DLGAP4: variants seen among roughly 807,000 people sequenced by gnomAD.
The protein encoded by DLGAP4 is DLG associated protein 4, also known as disks large-associated protein 4.
A neutral mutation model predicts 86.9 loss-of-function variants in DLGAP4; 18 were observed. The observed-to-expected ratio is 0.21, with a 90% confidence interval of 0.14 to 0.31. DLGAP4 has a LOEUF of 0.31. Among genes scored for constraint, DLGAP4 ranks in the 10% least tolerant of loss-of-function variants. The pLI, the probability that DLGAP4 is intolerant of heterozygous loss-of-function variation, is 1.00. For synonymous variants in DLGAP4, 548 were observed against 574.3 expected (o/e 0.95, Z 0.65); for missense variants, 1,085 against 1,362.6 (o/e 0.80, Z 3.21).
intron 7 of DLGAP4, chr20:36,492,486 C>A (rs2050253120): frequency 6.6e-6 from 1 of 152,320 alleles, no homozygotes; most frequent in South Asian, 2.1e-4. Context: ...TCTGAGGGTG[C>A]TTAGTAGAAC....
At chr20:36,362,031 C>A (rs562549649) in intron 1 of DLGAP4, among the ~76,000 whole-genome samples, 3 of 150,000 alleles carry the variant, frequency 2.0e-5, no homozygotes, top group Non-Finnish European at 4.4e-5. Context: ...GTGGCTCACA[C>A]CTGTAATCCC....
rs148421710 is a variant in DLGAP4, at chr20:36,472,835, G to C, written c.1649-23870G>C. Among the ~76,000 whole-genome samples the C allele has an allele frequency of 4.0e-3, 604 of 152,316 alleles. 4 individuals are homozygous for C. The highest frequency in any genetic ancestry group is 0.014 in the African/African-American group (584 of 41,570). On this transcript the variant is annotated intron_variant, in intron 7 of 12. Transcript: ENST00000339266. ...GACCCAGGCCCAGGTGGCCTCATGA[G>C]GAGGGGAGCAGGCCTTTTCCCTACC...
chr20:36,313,495 G>A (rs1378733481), intron 1 of DLGAP4, among the ~76,000 whole-genome samples: 12 of 152,092 alleles, frequency 7.9e-5, no homozygotes, highest in African/African-American at 2.7e-4. Context: ...TGTGAGGGCT[G>A]GGCTGTGAGA....
intron 10 of DLGAP4, chr20:36,512,460 CAG>C (rs1457243106): frequency 6.6e-6 from 1 of 152,192 alleles, no homozygotes; most frequent in Non-Finnish European, 1.5e-5. Context: ...GTCATTCACT[CAG>C]TGAATATTTA....
At chr20:36,311,174 A>G (rs2065049705) in intron 1 of DLGAP4, among the ~76,000 whole-genome samples, 1 of 151,290 alleles carries the variant, frequency 6.6e-6, no homozygotes, top group Non-Finnish European at 1.5e-5. Context: ...TCTGCATTTG[A>G]CAGATGAGGA....
At chr20:36,330,512 A>G (rs1248712465) in intron 1 of DLGAP4, among the ~76,000 whole-genome samples, 2 of 150,826 alleles carry the variant, frequency 1.3e-5, no homozygotes, top group East Asian at 3.9e-4. Flanking sequence ...ATGTGCCTCT[A>G]TGGGACCTAC....
At chr20:36,370,602 AG>A (rs1279647563) in intron 2 of DLGAP4, among the ~76,000 whole-genome samples, 1 of 152,150 alleles carries the variant, frequency 6.6e-6, no homozygotes, top group Non-Finnish European at 1.5e-5. Context: ...GAATGGCTTG[AG>A]GCCAAGAGTT....
chr20:36,492,608 C>G (rs1168003450), intron 7 of DLGAP4: 2 of 152,342 alleles, frequency 1.3e-5, no homozygotes, highest in Admixed American at 1.3e-4. Flanking sequence ...CTCTTCCCAC[C>G]AGAACCTCGT....
chr20:36,474,377 G>C (rs2034815147), intron 7 of DLGAP4, among the ~76,000 whole-genome samples: 1 of 152,210 alleles, frequency 6.6e-6, no homozygotes, highest in African/African-American at 2.4e-5. Flanking sequence ...CCCAAGATCA[G>C]GCTGGAGAAT....
chr20:36,317,249 TTCTTTCTTTCTTTCTTTCTTTCTTTCTTA>T (rs2065111650), intron 1 of DLGAP4, among the ~76,000 whole-genome samples: 1 of 56,012 alleles, frequency 1.8e-5, no homozygotes, highest in Non-Finnish European at 3.1e-5. Context: ...CTTTCTTTCT[TTCTTTCTTTCTTTCTTTCTTTCTTTCTTA>T]TCTTTCTTTC....
Position 36,432,513 on chromosome 20 carries a change from G to A in DLGAP4, c.796G>A (p.Ala266Thr). The change falls in exon 3 of 13, where the codon GCC becomes ACC. Residue 266 changes from alanine (A) to threonine (T), a missense_variant. Coordinates refer to ENST00000339266, the MANE Select transcript of DLGAP4 (RefSeq NM_001365621.2). The surrounding 1 kb of genome is among the most constrained non-coding windows in gnomAD (Gnocchi z 6.5). ...CAAGAACAACACTACTGAGCTGACT[G>A]CCCCACCACCCCCGCCCGCACCCCC... is the stretch of plus-strand genomic sequence containing the variant. ...TTKNNTTELT[A>T]PPPPPAPPAT... 6.2e-7 allele frequency: 1 copy of A among 1,612,746 alleles called. No homozygotes were observed. Among genetic ancestry groups the A allele is most frequent in the Non-Finnish European group, 8.5e-7 (1 of 1,179,880 alleles).
chr20:36,513,813 G>A (rs1258536271), intron 10 of DLGAP4, among the ~76,000 whole-genome samples: 1 of 152,160 alleles, frequency 6.6e-6, no homozygotes, highest in Non-Finnish European at 1.5e-5. Flanking sequence ...AGAAGAGGAT[G>A]GCATTGCCAC....
chr20:36,381,887 G>A (rs756515719), intron 2 of DLGAP4, among the ~76,000 whole-genome samples: 4 of 152,212 alleles, frequency 2.6e-5, no homozygotes, highest in South Asian at 2.1e-4. Context: ...CTGTGGCAGC[G>A]ATGGGAGTGG....
intron 1 of DLGAP4, among the ~76,000 whole-genome samples, chr20:36,351,290 C>G (rs1245277623): frequency 6.6e-6 from 1 of 152,236 alleles, no homozygotes; most frequent in African/African-American, 2.4e-5. Context: ...GGGCCATGAC[C>G]AGTGCTGGTC....
intron 7 of DLGAP4, among the ~76,000 whole-genome samples, chr20:36,457,815 T>A (rs1472983579): frequency 6.6e-6 from 1 of 151,418 alleles, no homozygotes. Context: ...AATTTTTGTA[T>A]TTTTAGTAAA....
At chr20:36,482,396 T>C (rs2035227348) in intron 7 of DLGAP4, among the ~76,000 whole-genome samples, 1 of 152,138 alleles carries the variant, frequency 6.6e-6, no homozygotes. Flanking sequence ...ACATCAGCCC[T>C]CCAGAAGTGA....
rs35876821 is a variant in DLGAP4, at chr20:36,528,446, A to ACCCC, written c.*1421_*1424dup. ...TGGCTGGCGCTTGCTGCAGGGGGGG[A>ACCCC]CCCCCCCCCGTCCCCAGGTGAACCA... On this transcript the variant is annotated 3_prime_UTR_variant, in exon 13 of 13. Transcript: ENST00000339266. 5.7e-5 allele frequency: 8 copies of ACCCC among 141,324 alleles called. No homozygotes were observed. Among genetic ancestry groups the ACCCC allele is most frequent in the Admixed American group, 2.1e-4 (3 of 14,112 alleles). 8.8% of individuals were successfully genotyped at this position (141,324 alleles called of 1,614,324 possible). A position where few individuals can be genotyped will look rare whatever the true frequency, so the allele number is the denominator to read the frequency against.
chr20:36,359,834 G>A (rs2030457246), intron 1 of DLGAP4, among the ~76,000 whole-genome samples: 1 of 152,178 alleles, frequency 6.6e-6, no homozygotes, highest in African/African-American at 2.4e-5. Flanking sequence ...TCAAAATGAG[G>A]CAAGGCATGC....
chr20:36,406,490 C>G (rs1205531538), intron 2 of DLGAP4, among the ~76,000 whole-genome samples: 1 of 151,788 alleles, frequency 6.6e-6, no homozygotes, highest in Non-Finnish European at 1.5e-5. Flanking sequence ...GTCTTGGTCA[C>G]AGGGCTGGGT....
Sources: allele counts gnomAD v4.1 joint callset (sites outside exome capture counted in the v4.1 genomes callset), GRCh38; gene constraint gnomAD v4.1.1; non-coding constraint Gnocchi (gnomAD v3.1); transcripts MANE v1.5; gene names NCBI Gene and HGNC (gene_info 2026-07-23, HGNC 2026-07-21).